Variants in GPT2 observed in about 807,000 individuals in gnomAD.
GPT2 encodes the protein alanine aminotransferase 2.
A neutral mutation model predicts 56.9 loss-of-function variants in GPT2; 30 were observed. The ratio of observed to expected loss-of-function variants is 0.53; its 90% CI spans 0.39 to 0.72. The LOEUF is 0.72. Ranked by LOEUF, GPT2 falls within the 30% of genes least tolerant of loss-of-function variation. GPT2 has a pLI of 0.00. For missense variants in GPT2, 542 were observed against 703.4 expected, an observed-to-expected ratio of 0.77 and a Z score of 2.60; for synonymous variants, 271 against 283.1, an observed-to-expected ratio of 0.96 and a Z score of 0.43.
intron 5 of GPT2, among the ~76,000 whole-genome samples, chr16:46,907,832 G>C (rs895039631): frequency 2.6e-5 from 4 of 152,262 alleles, no homozygotes; most frequent in African/African-American, 9.6e-5. Flanking sequence ...GGAGGCAAAA[G>C]GAGGTATCTC....
In GPT2 at chr16:46,922,251, C is replaced by T. The variant is rs754606864; in HGVS notation, c.1047C>T (p.Tyr349=). The T allele has an allele frequency of 6.2e-7, 1 of 1,613,800 alleles. No individual in the cohort carries two copies. The highest frequency in any genetic ancestry group is 1.1e-5 in the South Asian group (1 of 91,030). Residue 349 remains tyrosine (Y), a synonymous_variant, in exon 9 of 12, where the codon TAC becomes TAT. Coordinates refer to ENST00000340124, the MANE Select transcript of GPT2 (RefSeq NM_133443.4). The part of the protein sequence containing the change: ...TSKGYMGECG[Y]RGGYMEVINL... ...CTCTTTGGCCCTCCAGGTGTGGTTA[C>T]AGAGGAGGCTACATGGAGGTGATCA...
chr16:46,894,051 G>A (rs1960637912), intron 2 of GPT2, among the ~76,000 whole-genome samples: 1 of 152,192 alleles, frequency 6.6e-6, no homozygotes, highest in South Asian at 2.1e-4. Flanking sequence ...TGGCTGGGTG[G>A]GCTGGTTTCT....
intron 7 of GPT2, among the ~76,000 whole-genome samples, chr16:46,917,321 T>G (rs1189196810): frequency 6.6e-6 from 1 of 152,118 alleles, no homozygotes; most frequent in Non-Finnish European, 1.5e-5. Context: ...GAGGGCCAAT[T>G]GAGGGGGCTC....
intron 2 of GPT2, among the ~76,000 whole-genome samples, chr16:46,893,831 C>G (rs1318542942): frequency 6.6e-6 from 1 of 152,156 alleles, no homozygotes; most frequent in Admixed American, 6.5e-5. Flanking sequence ...TGAGAGGAAT[C>G]AGGATGCTGC....
In GPT2 at chr16:46,907,145, A is replaced by G. The variant is rs564384553; in HGVS notation, c.576+170A>G. Among the ~76,000 whole-genome samples, 413 of 152,296 alleles carry G rather than the reference A, an allele frequency of 2.7e-3. 2 individuals carry two copies. Among genetic ancestry groups the G allele is most frequent in the Non-Finnish European group, 5.0e-3 (342 of 68,022 alleles). On this transcript the variant is annotated intron_variant, in intron 5 of 11. Transcript: ENST00000340124. ...GCAGTCTTTGCCTCTTTTAGTCTTC[A>G]TGAGCCTAGACACTACTGCAGCCTC...
chr16:46,927,069 C>T (rs779847857), intron 11 of GPT2, 32 bp downstream of exon 11: 36 of 1,384,734 alleles, frequency 2.6e-5, no homozygotes, highest in Non-Finnish European at 3.6e-5. Flanking sequence ...AGGGGCTGGT[C>T]CGGGTCTTGT....
chr16:46,886,773 G>A (rs897198766), intron 2 of GPT2, among the ~76,000 whole-genome samples: 1 of 152,224 alleles, frequency 6.6e-6, no homozygotes, highest in African/African-American at 2.4e-5. Context: ...CAGCAGGGGT[G>A]TGTATTGATG....
intron 6 of GPT2, among the ~76,000 whole-genome samples, chr16:46,912,397 C>T (rs1050936100): frequency 1.3e-5 from 2 of 152,180 alleles, no homozygotes; most frequent in African/African-American, 4.8e-5. Context: ...AGCTGAGCTG[C>T]CTTACAGCCG....
chr16:46,913,701 A>G (rs570097364), intron 6 of GPT2, among the ~76,000 whole-genome samples: 2 of 152,304 alleles, frequency 1.3e-5, no homozygotes, highest in Admixed American at 6.5e-5. Context: ...GAATATAGGT[A>G]TTATTAACAA....
intron 7 of GPT2, 36 bp downstream of exon 7, chr16:46,916,743 G>A: frequency 6.9e-7 from 1 of 1,439,032 alleles, no homozygotes; most frequent in Non-Finnish European, 9.8e-7. Flanking sequence ...GTGGGCACTA[G>A]CTTTCTCTTC....
chr16:46,893,758 A>G (rs1960631277), intron 2 of GPT2, among the ~76,000 whole-genome samples: 1 of 152,126 alleles, frequency 6.6e-6, no homozygotes, highest in Admixed American at 6.5e-5. Flanking sequence ...TCTGTGCCGC[A>G]CAGGGGAGGT....
intron 11 of GPT2, among the ~76,000 whole-genome samples, chr16:46,928,114 CAGG>C (rs1961454032): frequency 6.6e-6 from 1 of 152,108 alleles, no homozygotes; most frequent in South Asian, 2.1e-4. Flanking sequence ...GGCTTGAGTC[CAGG>C]AGTTCAAGAC....
intron 4 of GPT2, among the ~76,000 whole-genome samples, chr16:46,901,354 C>T (rs1960813737): frequency 6.6e-6 from 1 of 152,166 alleles, no homozygotes; most frequent in African/African-American, 2.4e-5. Flanking sequence ...GACCCATGCC[C>T]CAATGTCTGC....
intron 4 of GPT2, among the ~76,000 whole-genome samples, chr16:46,901,892 A>C (rs1960825710): frequency 6.6e-6 from 1 of 152,180 alleles, no homozygotes; most frequent in African/African-American, 2.4e-5. Flanking sequence ...GCCAAGACCT[A>C]AACCACAGGC....
chr16:46,885,534 C>T (rs1299249189), intron 2 of GPT2: 9 of 985,178 alleles, frequency 9.1e-6, no homozygotes, highest in Non-Finnish European at 1.1e-5. Context: ...CCTCTGGAGC[C>T]TTGGCCGACC....
chr16:46,884,472 G>C lies in GPT2; in HGVS notation c.-23+5G>C, dbSNP rs947373957. Reference sequence around the variant, plus strand: ...AGGGCCTACCAGGGGCGACAGGCACGTTGCATGCATGCCTTGGGCGCAGCC... The same window carrying C: ...AGGGCCTACCAGGGGCGACAGGCACCTTGCATGCATGCCTTGGGCGCAGCC... On this transcript the variant is annotated splice_donor_5th_base_variant and intron_variant, in intron 1 of 11. Coordinates refer to ENST00000340124, the MANE Select transcript of GPT2 (RefSeq NM_133443.4). The C allele has an allele frequency of 2.7e-6, 1 of 368,578 alleles. No homozygotes were observed. The highest frequency in any genetic ancestry group is 4.7e-6 in the Non-Finnish European group (1 of 211,340). 22.8% of individuals were successfully genotyped at this position (368,578 alleles called of 1,614,324 possible).
At chr16:46,895,738 G>T (rs1315715756) in intron 2 of GPT2, among the ~76,000 whole-genome samples, 2 of 152,096 alleles carry the variant, frequency 1.3e-5, no homozygotes, top group Non-Finnish European at 2.9e-5. Flanking sequence ...TGAAAGTGTT[G>T]CCCAGGCTGT....
In GPT2 at chr16:46,903,744, A is replaced by G. The variant is rs554823153; in HGVS notation, c.442+2954A>G. Among the ~76,000 whole-genome samples the G allele has an allele frequency of 3.3e-5, 5 of 152,316 alleles. No individual in the cohort carries two copies. In the East Asian group the frequency reaches 9.6e-4, roughly 29 times the overall value. On this transcript the variant is annotated intron_variant, in intron 4 of 11. Transcript: ENST00000340124. ...CCTTGTCAAGCCCCTCCCTGAGTAC[A>G]TACCAGGCTGTGTTCTAGACACCAA...
intron 2 of GPT2, among the ~76,000 whole-genome samples, chr16:46,891,890 C>T (rs1960592532): frequency 6.6e-6 from 1 of 151,340 alleles, no homozygotes; most frequent in African/African-American, 2.4e-5. Flanking sequence ...TACCCATTAA[C>T]CATCCCCACT....
Sources: allele counts gnomAD v4.1 joint callset (sites outside exome capture counted in the v4.1 genomes callset), GRCh38; gene constraint gnomAD v4.1.1; transcripts MANE v1.5; gene names NCBI Gene and HGNC (gene_info 2026-07-23, HGNC 2026-07-21).